Variants in PPM1H observed in about 807,000 individuals in gnomAD.
PPM1H encodes protein phosphatase 1H.
Under a neutral mutation model 54.9 loss-of-function variants are expected in PPM1H, and 27 were observed. That is an observed-to-expected ratio of 0.49 (90% CI 0.36 to 0.68). PPM1H has a LOEUF of 0.68. Among genes scored for constraint, PPM1H ranks in the 30% least tolerant of loss-of-function variants. The pLI is 0.00. For synonymous variants in PPM1H, 305 were observed against 270.8 expected (o/e 1.13, Z -1.24); for missense variants, 596 against 667.8 (o/e 0.89, Z 1.19).
chr12:62,658,607 C>T (rs903077632), intron 9 of PPM1H, among the ~76,000 whole-genome samples: 1 of 152,200 alleles, frequency 6.6e-6, no homozygotes, highest in African/African-American at 2.4e-5. Flanking sequence ...TAAAAGAGAA[C>T]CTTACTGGAA....
At chr12:62,724,747 G>A (rs2076280877) in intron 5 of PPM1H, among the ~76,000 whole-genome samples, 1 of 152,112 alleles carries the variant, frequency 6.6e-6, no homozygotes, top group Non-Finnish European at 1.5e-5. Flanking sequence ...ATTAAAATAT[G>A]TATAATTCTT....
At chr12:62,707,438 C>T (rs182413559) in intron 6 of PPM1H, among the ~76,000 whole-genome samples, 126 of 152,302 alleles carry the variant, frequency 8.3e-4, no homozygotes, top group African/African-American at 2.9e-3. Flanking sequence ...CCAGGAGTCA[C>T]AATACTTTGA....
intron 3 of PPM1H, 66 bp from the exon 4 acceptor site, chr12:62,788,404 ATTCTCTTGAC>A: frequency 9.7e-7 from 1 of 1,030,830 alleles, no homozygotes; most frequent in Non-Finnish European, 1.5e-6. Flanking sequence ...TCTCACTTTC[ATTCTCTTGAC>A]AGTCCCCAGA....
chr12:62,719,521 G>T (rs2076252734), intron 6 of PPM1H, among the ~76,000 whole-genome samples: 1 of 152,104 alleles, frequency 6.6e-6, no homozygotes, highest in South Asian at 2.1e-4. Flanking sequence ...TCAGATAAAA[G>T]AAATAGCTGA....
intron 1 of PPM1H, among the ~76,000 whole-genome samples, chr12:62,889,153 G>A (rs992999279): frequency 2.5e-4 from 38 of 152,062 alleles, no homozygotes; most frequent in Admixed American, 1.7e-3. Context: ...AAAATCAAGA[G>A]GTTCTTGGAA....
intron 1 of PPM1H, among the ~76,000 whole-genome samples, chr12:62,845,828 C>T (rs74097039): frequency 0.015 from 2,208 of 152,200 alleles, 58 homozygotes; most frequent in African/African-American, 0.05. Flanking sequence ...GCAAGCTGCC[C>T]AACCCTATAT....
intron 9 of PPM1H, among the ~76,000 whole-genome samples, chr12:62,660,827 A>ATTAAG (rs1326653717): frequency 6.6e-6 from 1 of 152,220 alleles, no homozygotes; most frequent in African/African-American, 2.4e-5. Context: ...TCTGAAACAA[A>ATTAAG]TTAAGTTTCT....
chr12:62,732,443 A>G (rs1055367641), intron 5 of PPM1H, among the ~76,000 whole-genome samples: 1 of 152,246 alleles, frequency 6.6e-6, no homozygotes, highest in African/African-American at 2.4e-5. Context: ...TGGTTCATGT[A>G]GAAAGGACTC....
intron 1 of PPM1H, among the ~76,000 whole-genome samples, chr12:62,932,925 G>A (rs1225716124): frequency 4.0e-5 from 6 of 151,846 alleles, no homozygotes; most frequent in African/African-American, 1.5e-4. Context: ...GTGAACCACC[G>A]CGCCCGGCCT....
chr12:62,780,364 C>CA (rs1363981702), intron 4 of PPM1H, among the ~76,000 whole-genome samples: 1 of 152,192 alleles, frequency 6.6e-6, no homozygotes, highest in Non-Finnish European at 1.5e-5. Context: ...TGCATTGGTG[C>CA]AATCATGGCA....
chr12:62,650,153 A>G (rs147852959), intron 9 of PPM1H, among the ~76,000 whole-genome samples: 1 of 152,336 alleles, frequency 6.6e-6, no homozygotes, highest in East Asian at 1.9e-4. Flanking sequence ...TTTAAGAACA[A>G]GTCCTCTAAC....
At chr12:62,879,716 C>T (rs1028232176) in intron 1 of PPM1H, among the ~76,000 whole-genome samples, 9 of 151,912 alleles carry the variant, frequency 5.9e-5, no homozygotes, top group Admixed American at 3.9e-4. Context: ...AACTATGTAA[C>T]AAACTTGCAG....
intron 1 of PPM1H, among the ~76,000 whole-genome samples, chr12:62,905,314 AGGG>A (rs1871272927): frequency 6.6e-6 from 1 of 152,162 alleles, no homozygotes; most frequent in East Asian, 1.9e-4. Context: ...GGGGAAAGTT[AGGG>A]ATTGGCAAGG....
At chr12:62,910,076 A>AGAGT (rs1240144508) in intron 1 of PPM1H, among the ~76,000 whole-genome samples, 2 of 152,188 alleles carry the variant, frequency 1.3e-5, no homozygotes, top group Admixed American at 6.5e-5. Flanking sequence ...TTAACCAGGT[A>AGAGT]GAGTGGTGGG....
intron 9 of PPM1H, among the ~76,000 whole-genome samples, chr12:62,654,217 CAAA>C (rs57812590): frequency 1.8e-4 from 12 of 65,446 alleles, no homozygotes; most frequent in African/African-American, 1.9e-4. Context: ...GACTCTTTCT[CAAA>C]AAAAAAAAAA....
intron 9 of PPM1H, among the ~76,000 whole-genome samples, chr12:62,652,170 G>A (rs1289495324): frequency 6.6e-6 from 1 of 152,126 alleles, no homozygotes; most frequent in African/African-American, 2.4e-5. Flanking sequence ...CCCTGATATT[G>A]TTCAATTATG....
In PPM1H at chr12:62,734,243, C is replaced by T. The variant is rs111279203; in HGVS notation, c.954+3259G>A. Among the ~76,000 whole-genome samples, 421 of 151,974 alleles carry T rather than the reference C, an allele frequency of 2.8e-3. 2 individuals are homozygous for T. The highest frequency in any genetic ancestry group is 9.6e-3 in the African/African-American group (399 of 41,466). On this transcript the variant is annotated intron_variant, in intron 5 of 9. Transcript: ENST00000228705. Reference sequence around the variant, plus strand: ...ACCAGCACCTTGATGTTGGACTTCCCAGCCTCTACATCTGTGAGAAATTAA... The same window carrying T: ...ACCAGCACCTTGATGTTGGACTTCCTAGCCTCTACATCTGTGAGAAATTAA...
At chr12:62,880,939 G>A (rs906856) in intron 1 of PPM1H, among the ~76,000 whole-genome samples, 21 of 152,090 alleles carry the variant, frequency 1.4e-4, no homozygotes, top group Non-Finnish European at 2.6e-4. Flanking sequence ...ACCCACGTTC[G>A]TGAGCAGGAT....
chr12:62,723,735 C>CTG (rs1271156284), intron 5 of PPM1H, among the ~76,000 whole-genome samples: 1 of 151,880 alleles, frequency 6.6e-6, no homozygotes, highest in African/African-American at 2.4e-5. Context: ...CAGACTAAGG[C>CTG]TGTGTGTGTG....
Sources: gnomAD v4.1 joint callset for allele counts (sites outside exome capture counted in the v4.1 genomes callset) on GRCh38, gnomAD v4.1.1 for gene constraint, MANE v1.5 for transcripts, NCBI Gene and HGNC (gene_info 2026-07-23, HGNC 2026-07-21) for gene names.